SART3: variants seen among roughly 807,000 people sequenced by gnomAD.
SART3 encodes the protein HIV-1 Tat-interacting protein of 110kDa.
SART3 carries 44 observed loss-of-function variants against 122.3 expected under a neutral mutation model. The observed-to-expected ratio is 0.36, with a 90% CI of 0.28 to 0.46. SART3 has a LOEUF of 0.46. Ranked by LOEUF, SART3 falls within the 20% of genes least tolerant of loss-of-function variation. SART3 has a pLI of 1.00. For missense variants in SART3, 1,101 were observed against 1,229.0 expected (o/e 0.90, Z 1.56); for synonymous variants, 442 against 454.0 (o/e 0.97, Z 0.34).
At position 108,561,117 on chromosome 12, in the gene SART3, T is replaced by C. The variant is rs1051606486; in HGVS notation, c.38A>G (p.Glu13Gly). 1.9e-6 allele frequency: 3 copies of C among 1,613,670 alleles called. No individual in the cohort carries two copies. Among genetic ancestry groups the C allele is most frequent in the Non-Finnish European group, 2.5e-6 (3 of 1,179,594 alleles). ...CTTGGGCCCAGCCTTGGACTCAGCC[T>C]CGGGTTCTGAAGCCGAGGTTTCGGC... Reference protein sequence around the residue: ...TAAETSASEPEAESKAGPKAD... With the variant: ...TAAETSASEPGAESKAGPKAD... Residue 13 changes from glutamate to glycine, a missense_variant, in exon 1 of 19, where the codon GAG becomes GGG. Transcript: ENST00000546815.
chr12:108,529,754 G>C (rs1454085815), intron 15 of SART3, among the ~76,000 whole-genome samples: 1 of 152,052 alleles, frequency 6.6e-6, no homozygotes, highest in African/African-American at 2.4e-5. Flanking sequence ...CAGGCTGAGG[G>C]GCACAACACA....
chr12:108,559,975 A>C (rs2030420374), intron 1 of SART3, among the ~76,000 whole-genome samples: 2 of 152,022 alleles, frequency 1.3e-5, no homozygotes, highest in Admixed American at 6.5e-5. Flanking sequence ...TTCAGATCAC[A>C]CCCTTCACCC....
At chr12:108,525,927 A>G (rs1872352414) in intron 16 of SART3, 172 bp downstream of exon 16, 2 of 644,596 alleles carry the variant, frequency 3.1e-6, no homozygotes, top group African/African-American at 3.6e-5. Context: ...GAGCCATGCC[A>G]TGAGTCAGAC....
intron 3 of SART3, among the ~76,000 whole-genome samples, chr12:108,546,328 T>C (rs889892532): frequency 2.6e-5 from 4 of 151,956 alleles, no homozygotes; most frequent in African/African-American, 9.7e-5. Flanking sequence ...GCCTCCCAAG[T>C]AGCTGGGACA....
At position 108,538,148 on chromosome 12, in the gene SART3, C is replaced by A; in HGVS notation, c.1118G>T (p.Arg373Ile). ...TAAGGCAACTGTCCAGGGGCAGTTT[C>A]TAATAGCGCGGTTATGTACAGATAA... ...LVLSVHNRAIRNCPWTVALWS... is the reference protein window; with the variant it reads ...LVLSVHNRAIINCPWTVALWS... Residue 373 changes from arginine (R) to isoleucine (I), a missense_variant, in exon 8 of 19, where the codon AGA becomes ATA. Around this residue, in one of 2 missense-constraint regions of SART3, gnomAD observed 885 missense variants for 1,080.1 expected, o/e 0.82. Transcript: ENST00000546815. The A allele has an allele frequency of 6.2e-7, 1 of 1,614,210 alleles. No homozygotes were observed. The highest frequency in any genetic ancestry group is 1.1e-5 in the South Asian group (1 of 91,084).
At chr12:108,544,939 T>A (rs541629417) in intron 4 of SART3, 200 bp downstream of exon 4, 1 of 664,012 alleles carries the variant, frequency 1.5e-6, no homozygotes, top group East Asian at 2.6e-5. Context: ...ATACGACCTC[T>A]TCCATACATA....
At chr12:108,537,360 A>G (rs1872957198) in intron 9 of SART3, 128 bp downstream of exon 9, 16 of 716,838 alleles carry the variant, frequency 2.2e-5, no homozygotes, top group Middle Eastern at 3.6e-4. Flanking sequence ...TTTCTGGGGG[A>G]AAAAGTCACC....
At chr12:108,547,554 CTTTT>C (rs912404325) in intron 3 of SART3, among the ~76,000 whole-genome samples, 1 of 151,404 alleles carries the variant, frequency 6.6e-6, no homozygotes, top group Non-Finnish European at 1.5e-5. Context: ...ATGTTTTAAT[CTTTT>C]TTTTTAAAGC....
At chr12:108,527,873 C>G (rs2136663554) in intron 15 of SART3, among the ~76,000 whole-genome samples, 1 of 152,250 alleles carries the variant, frequency 6.6e-6, no homozygotes, top group South Asian at 2.1e-4. Flanking sequence ...TCAAGTAATT[C>G]TCCTGTCTCA....
At chr12:108,543,681 G>C (rs1873271061) in intron 5 of SART3, among the ~76,000 whole-genome samples, 1 of 152,182 alleles carries the variant, frequency 6.6e-6, no homozygotes, top group African/African-American at 2.4e-5. Flanking sequence ...CCAACCATTT[G>C]ATTAGACGAC....
chr12:108,536,928 G>A (rs572197174), intron 9 of SART3, 143 bp from the exon 10 acceptor site: 96 of 754,730 alleles, frequency 1.3e-4, no homozygotes, highest in Non-Finnish European at 2.1e-4. Flanking sequence ...GCCAATTCCT[G>A]CCCTCATCAC....
intron 7 of SART3, 69 bp from the exon 8 acceptor site, chr12:108,538,272 C>T (rs1171238342): frequency 1.7e-5 from 27 of 1,552,204 alleles, no homozygotes; most frequent in Non-Finnish European, 2.3e-5. Context: ...AAGACATTGC[C>T]AGCACGACCA....
chr12:108,552,935 C>T (rs1428332718), intron 1 of SART3, among the ~76,000 whole-genome samples: 1 of 152,102 alleles, frequency 6.6e-6, no homozygotes, highest in African/African-American at 2.4e-5. Flanking sequence ...CTGATTGATA[C>T]TAAAACCTAC....
chr12:108,526,378 G>T lies in SART3; in HGVS notation c.2091C>A (p.His697Gln), dbSNP rs140374660. The T allele has an allele frequency of 6.2e-7, 1 of 1,613,916 alleles. No homozygotes were observed. Among genetic ancestry groups the T allele is most frequent in the Non-Finnish European group, 8.5e-7 (1 of 1,179,824 alleles). Reference sequence around the variant, plus strand: ...CGGTGATGCTGTCCTTGCTGCTGTCGTGCAGCACCTTGGGCATGTCCCTCT... The same window carrying T: ...CGGTGATGCTGTCCTTGCTGCTGTCTTGCAGCACCTTGGGCATGTCCCTCT... ...SLKRDMPKVLHDSSKDSITVF... is the reference protein window; with the variant it reads ...SLKRDMPKVLQDSSKDSITVF... Residue 697 changes from histidine (H) to glutamine (Q), a missense_variant, in exon 16 of 19, where the codon CAC (histidine) becomes CAA (glutamine). By Grantham distance (24) the His-to-Gln change is conservative. Around this residue, in one of 2 missense-constraint regions of SART3, gnomAD observed 885 missense variants for 1,080.1 expected, o/e 0.82. Transcript: ENST00000546815.
chr12:108,556,098 CTCT>C (rs1234141626), intron 1 of SART3, among the ~76,000 whole-genome samples: 2 of 77,008 alleles, frequency 2.6e-5, no homozygotes, highest in East Asian at 7.3e-4. Context: ...TTGAGAAACT[CTCT>C]TTTTTTTTTT....
In SART3 at chr12:108,542,574, G is replaced by A. The variant is rs145479095; in HGVS notation, c.906+454C>T. Among the ~76,000 whole-genome samples, 161 of 152,208 alleles carry A rather than the reference G, an allele frequency of 1.1e-3. No individual in the cohort carries two copies. The East Asian group carries it at 0.012, about 11-fold the overall frequency. On this transcript the variant is annotated intron_variant, in intron 6 of 18. Coordinates refer to ENST00000546815, the MANE Select transcript of SART3 (RefSeq NM_014706.4). ...TTACAGCAGTGAAAACAAATGCACC[G>A]GAGTTATACTTAGCAACATGAGTAA...
At chr12:108,538,229 G>C (rs1565861866) in intron 7 of SART3, 26 bp from the exon 8 acceptor site, 1 of 1,613,656 alleles carries the variant, frequency 6.2e-7, no homozygotes, top group Non-Finnish European at 8.5e-7. Context: ...CCAGAGTTAG[G>C]AAATTACACT....
At chr12:108,553,599 T>G (rs1371543005) in intron 1 of SART3, among the ~76,000 whole-genome samples, 1 of 152,142 alleles carries the variant, frequency 6.6e-6, no homozygotes, top group Non-Finnish European at 1.5e-5. Context: ...CAAATTACAC[T>G]CTACCATCTG....
chr12:108,535,642 T>C (rs571535146), intron 11 of SART3, 174 bp from the exon 12 acceptor site: 5 of 667,520 alleles, frequency 7.5e-6, no homozygotes, highest in South Asian at 6.0e-5. Flanking sequence ...GCCCAAACAC[T>C]TGAGCCTTTC....
Sources: allele counts gnomAD v4.1 joint callset (sites outside exome capture counted in the v4.1 genomes callset), GRCh38; gene constraint gnomAD v4.1.1; regional missense constraint gnomAD v4.1.1; transcripts MANE v1.5; gene names NCBI Gene and HGNC (gene_info 2026-07-23, HGNC 2026-07-21).